The following ATXN7 variants were observed in gnomAD, a reference collection of about 807,000 sequenced individuals.
ATXN7 encodes ataxin 7.
In ATXN7, 12 loss-of-function variants were observed where a neutral mutation model predicts 70.5. The observed-to-expected ratio is 0.17, with a 90% CI of 0.11 to 0.28. ATXN7 has a LOEUF of 0.28. Among genes scored for constraint, ATXN7 ranks in the 10% least tolerant of loss-of-function variants. ATXN7 has a pLI of 1.00. For synonymous variants in ATXN7, 498 were observed against 448.7 expected (o/e 1.11, Z -1.39); for missense variants, 1,256 against 1,131.7 (o/e 1.11, Z -1.58).
chr3:63,893,371 T>G (rs1259650501), intron 1 of ATXN7, among the ~76,000 whole-genome samples: 2 of 152,210 alleles, frequency 1.3e-5, no homozygotes, highest in Non-Finnish European at 2.9e-5. Flanking sequence ...AAAAATGCCT[T>G]GCTGACCTTT....
At chr3:63,896,535 T>C (rs536938042) in intron 1 of ATXN7, among the ~76,000 whole-genome samples, 1 of 152,178 alleles carries the variant, frequency 6.6e-6, no homozygotes, top group Non-Finnish European at 1.5e-5. Context: ...CTAGGTAATC[T>C]TGAGCAAATT....
At chr3:63,916,698 G>A (rs1704281683) in intron 4 of ATXN7, among the ~76,000 whole-genome samples, 4 of 152,218 alleles carry the variant, frequency 2.6e-5, no homozygotes, top group Admixed American at 2.0e-4. Context: ...GAAATTATTT[G>A]TGGTTTAGGT....
At chr3:63,895,020 C>T (rs946055604) in intron 1 of ATXN7, among the ~76,000 whole-genome samples, 1 of 152,070 alleles carries the variant, frequency 6.6e-6, no homozygotes. Context: ...TTGTGCTTTC[C>T]TTGTAGGACT....
At chr3:63,989,253 C>T (rs1177981417) in intron 9 of ATXN7, among the ~76,000 whole-genome samples, 1 of 152,186 alleles carries the variant, frequency 6.6e-6, no homozygotes, top group African/African-American at 2.4e-5. Flanking sequence ...CTCCCCAAGT[C>T]CTTTCTTTGG....
chr3:63,919,277 A>G (rs1704412767), intron 4 of ATXN7, among the ~76,000 whole-genome samples: 1 of 152,186 alleles, frequency 6.6e-6, no homozygotes, highest in Non-Finnish European at 1.5e-5. Context: ...AGTTGACTAC[A>G]CACAACAGAG....
At chr3:63,963,263 G>A (rs540490126) in intron 5 of ATXN7, among the ~76,000 whole-genome samples, 24 of 152,180 alleles carry the variant, frequency 1.6e-4, no homozygotes, top group African/African-American at 5.8e-4. Context: ...GTGCATTTTT[G>A]TAACACAAAT....
At chr3:63,968,216 A>G (rs1411347519) in intron 5 of ATXN7, among the ~76,000 whole-genome samples, 1 of 152,164 alleles carries the variant, frequency 6.6e-6, no homozygotes, top group Admixed American at 6.5e-5. Flanking sequence ...AGCGTGGGTA[A>G]TCGCAGCCAC....
intron 2 of ATXN7, among the ~76,000 whole-genome samples, chr3:63,906,448 T>C (rs988043389): frequency 3.2e-4 from 48 of 152,240 alleles, no homozygotes; most frequent in African/African-American, 9.9e-4. Context: ...ACTCGTCTTA[T>C]GGTTTGTGGG....
chr3:63,998,579 T>A, intron 12 of ATXN7: 1 of 985,304 alleles, frequency 1.0e-6, no homozygotes, highest in Non-Finnish European at 1.2e-6. Context: ...TCCACTTAAG[T>A]TTGTGTTTGA....
At chr3:63,986,543 G>A (rs1036118085) in intron 8 of ATXN7, among the ~76,000 whole-genome samples, 6 of 152,160 alleles carry the variant, frequency 3.9e-5, no homozygotes, top group South Asian at 2.1e-4. Flanking sequence ...TTCAACACAC[G>A]TTGGAGGGCC....
chr3:63,895,975 A>C (rs1703433265), intron 1 of ATXN7, among the ~76,000 whole-genome samples: 1 of 152,100 alleles, frequency 6.6e-6, no homozygotes, highest in Non-Finnish European at 1.5e-5. Context: ...CCACCAAACT[A>C]GACCCTCTTC....
At chr3:63,863,799 C>T (rs1247895491), upstream of ATXN7, 6 of 1,011,358 alleles carry the variant, frequency 5.9e-6, no homozygotes, top group Non-Finnish European at 1.2e-6. Flanking sequence ...ATGGCGTGCG[C>T]GGCGGCGGCG....
chr3:63,962,450 G>A (rs953868372), intron 5 of ATXN7, among the ~76,000 whole-genome samples: 4 of 151,892 alleles, frequency 2.6e-5, no homozygotes, highest in Non-Finnish European at 2.9e-5. Context: ...TCTCGCTCAG[G>A]ATGGAGTACA....
At position 63,988,175 on chromosome 3, in the gene ATXN7, T is replaced by G. The variant is rs546996479; in HGVS notation, c.1212T>G (p.Ser404=). 21 of 1,613,996 alleles carry G rather than the reference T, an allele frequency of 1.3e-5. 1 individual carries two copies. In the South Asian group the frequency reaches 2.0e-4, roughly 15 times the overall value. ...AGGAATTGATTCGCCATCCGGACTC[T>G]CAGCAACCACCGCAGCCTCTCAGGG... ...REKELIRHPD[S]QQPPQPLRDP... is the part of the protein sequence containing the mutation. The change falls in exon 9 of 13, where the codon TCT becomes TCG. Residue 404 remains serine, a synonymous_variant. Coordinates refer to ENST00000674280, the MANE Select transcript of ATXN7 (RefSeq NM_001377405.1).
intron 1 of ATXN7, among the ~76,000 whole-genome samples, chr3:63,866,326 CT>C (rs746634823): frequency 1.2e-4 from 19 of 152,206 alleles, no homozygotes; most frequent in Non-Finnish European, 2.6e-4. Context: ...TCAGGGCTCA[CT>C]GCAGCCTGGA....
At chr3:63,999,307 CT>C (rs1228602825) in intron 12 of ATXN7, 142 bp from the exon 13 acceptor site, 5 of 669,382 alleles carry the variant, frequency 7.5e-6, no homozygotes, top group Non-Finnish European at 1.1e-5. Flanking sequence ...AAATCTATAG[CT>C]GACTGTTCCT....
chr3:63,977,135 T>C (rs2075401353), intron 5 of ATXN7, among the ~76,000 whole-genome samples: 1 of 152,220 alleles, frequency 6.6e-6, no homozygotes, highest in Non-Finnish European at 1.5e-5. Flanking sequence ...TGTGTTTTCC[T>C]ACGTGGCTCA....
chr3:63,979,571 CCT>C (rs1281498710), intron 5 of ATXN7, among the ~76,000 whole-genome samples: 1 of 152,140 alleles, frequency 6.6e-6, no homozygotes, highest in East Asian at 1.9e-4. Context: ...GAATAATTTT[CCT>C]CTCTCTTAAT....
At chr3:63,987,138 C>G (rs995467117) in intron 8 of ATXN7, among the ~76,000 whole-genome samples, 2 of 152,164 alleles carry the variant, frequency 1.3e-5, no homozygotes, top group Admixed American at 1.3e-4. Context: ...GTACATTCAA[C>G]TTTATCTTCT....
Sources: allele counts gnomAD v4.1 joint callset (sites outside exome capture counted in the v4.1 genomes callset), GRCh38; gene constraint gnomAD v4.1.1; transcripts MANE v1.5; gene names NCBI Gene and HGNC (gene_info 2026-07-23, HGNC 2026-07-21).